The following TAOK3 variants were observed in gnomAD, a reference collection of about 807,000 sequenced individuals.
TAOK3 encodes serine/threonine-protein kinase TAO3.
In TAOK3, 40 loss-of-function variants were observed where a neutral mutation model predicts 120.4. The observed-to-expected ratio is 0.33, with a 90% CI of 0.26 to 0.43. The LOEUF is 0.43. Ranked by LOEUF, TAOK3 falls within the 20% of genes least tolerant of loss-of-function variation. The pLI is 1.00. For synonymous variants in TAOK3, 355 were observed against 387.5 expected (o/e 0.92, Z 0.99); for missense variants, 821 against 1,112.1 (o/e 0.74, Z 3.72).
intron 16 of TAOK3, among the ~76,000 whole-genome samples, chr12:118,175,675 T>C (rs1351335171): frequency 6.6e-6 from 1 of 152,016 alleles, no homozygotes; most frequent in Non-Finnish European, 1.5e-5. Context: ...TGATTTTATA[T>C]ATACTAAAAC....
chr12:118,334,720 C>A (rs981347609), intron 1 of TAOK3, among the ~76,000 whole-genome samples: 2 of 148,136 alleles, frequency 1.4e-5, no homozygotes, highest in Non-Finnish European at 3.0e-5. Flanking sequence ...ACTAAACATA[C>A]AAAAAATTAG....
chr12:118,352,119 A>G (rs982872885), intron 1 of TAOK3, among the ~76,000 whole-genome samples: 11 of 150,422 alleles, frequency 7.3e-5, no homozygotes, highest in African/African-American at 2.4e-4. Context: ...TGGTCCGCCC[A>G]CCTCGGCCTC....
rs1030764364 is a variant in TAOK3 at position 118,189,790 on chromosome 12, G to C, written c.1329+17C>G. ...GAGGGGAAGGAAGGGAAGGTGGGTAGAGGGGTGTTTGCTTACCAAAGATGC... is the reference window on the plus strand; with the variant it reads ...GAGGGGAAGGAAGGGAAGGTGGGTACAGGGGTGTTTGCTTACCAAAGATGC... On this transcript the variant is annotated intron_variant, in intron 14 of 20. Transcript: ENST00000392533. 3.7e-6 allele frequency: 6 copies of C among 1,613,958 alleles called. No homozygotes were observed. In the African/African-American group the frequency reaches 8.0e-5, roughly 22 times the overall value.
In TAOK3 at chr12:118,317,265, CA is replaced by C. The variant is rs970730677; in HGVS notation, c.-193-50507del. On this transcript the variant is annotated intron_variant, in intron 1 of 20. Transcript: ENST00000392533. ...TGGGCAACGAAGTGAAAGTTTGTCT[CA>C]AAAAAAAAAAAAAAAAAAAATCGCT... Among the ~76,000 whole-genome samples the C allele has an allele frequency of 6.7e-3, 426 of 63,630 alleles. 3 individuals carry two copies. The highest frequency in any genetic ancestry group is 0.012 in the African/African-American group (212 of 18,318). 41.7% of individuals were successfully genotyped at this position (63,630 alleles called of 152,430 possible).
chr12:118,293,509 C>G (rs187832585), intron 1 of TAOK3, among the ~76,000 whole-genome samples: 1 of 150,836 alleles, frequency 6.6e-6, no homozygotes, highest in East Asian at 2.0e-4. Flanking sequence ...AACCCAGTTT[C>G]TAAAAAAAAT....
At chr12:118,359,453 G>A (rs986450008) in intron 1 of TAOK3, 3 of 152,122 alleles carry the variant, frequency 2.0e-5, no homozygotes, top group Admixed American at 2.0e-4. Flanking sequence ...CTGCATACTA[G>A]AGTAAGGTTT....
At chr12:118,199,020 T>C (rs1464951616) in intron 13 of TAOK3, 31 bp downstream of exon 13, 1 of 1,612,496 alleles carries the variant, frequency 6.2e-7, no homozygotes, top group Non-Finnish European at 8.5e-7. Context: ...TTGACAAAGC[T>C]CACCTCTGTG....
chr12:118,244,938 C>T lies in TAOK3; in HGVS notation c.148G>A (p.Val50Met), dbSNP rs1396590191. 1 of 1,610,192 alleles carries T rather than the reference C, an allele frequency of 6.2e-7. No individual in the cohort carries two copies. Among genetic ancestry groups the T allele is most frequent in the Non-Finnish European group, 8.5e-7 (1 of 1,176,926 alleles). Residue 50 changes from valine to methionine, a missense_variant, in exon 4 of 21, where the codon GTG becomes ATG. By Grantham distance (21) the Val-to-Met change is conservative. Around this residue, in one of 2 missense-constraint regions of TAOK3, gnomAD observed 467 missense variants for 540.0 expected, o/e 0.86. Coordinates refer to ENST00000392533, the MANE Select transcript of TAOK3 (RefSeq NM_016281.4). The stretch of plus-strand genomic sequence containing the variant: ...CTATAGGACATCTTCTTAATTGCCA[C>T]CACCTCACTGGTGTGAGCATTTGTA... ...FATNAHTSEV[V>M]AIKKMSYSGK...
At chr12:118,179,189 T>C (rs540262719) in intron 15 of TAOK3, among the ~76,000 whole-genome samples, 3 of 152,264 alleles carry the variant, frequency 2.0e-5, no homozygotes, top group Non-Finnish European at 2.9e-5. Context: ...GTTCCTTCCA[T>C]GTGGAGACAG....
chr12:118,181,064 C>T (rs1162890057), intron 15 of TAOK3, among the ~76,000 whole-genome samples: 1 of 151,852 alleles, frequency 6.6e-6, no homozygotes, highest in Admixed American at 6.6e-5. Flanking sequence ...AGGCTGGTCT[C>T]GAACTCCTGA....
intron 1 of TAOK3, among the ~76,000 whole-genome samples, chr12:118,308,798 C>T (rs1389065270): frequency 6.6e-6 from 1 of 151,568 alleles, no homozygotes; most frequent in African/African-American, 2.4e-5. Flanking sequence ...GGCGTGGTGG[C>T]ACATGCCTGT....
intron 1 of TAOK3, among the ~76,000 whole-genome samples, chr12:118,368,658 T>C (rs1441693436): frequency 1.3e-5 from 2 of 149,334 alleles, no homozygotes; most frequent in Non-Finnish European, 3.0e-5. Flanking sequence ...ATACAAACAT[T>C]AGCCGGGTGT....
At chr12:118,368,596 A>T (rs373128835) in intron 1 of TAOK3, among the ~76,000 whole-genome samples, 1 of 149,798 alleles carries the variant, frequency 6.7e-6, no homozygotes, top group South Asian at 2.1e-4. Flanking sequence ...ATTTGAGGTC[A>T]GGAGTTCTAG....
At chr12:118,263,413 T>G (rs2041315415) in intron 2 of TAOK3, among the ~76,000 whole-genome samples, 1 of 152,190 alleles carries the variant, frequency 6.6e-6, no homozygotes. Context: ...GGAGAAAATA[T>G]TTGTGACCCC....
intron 3 of TAOK3, among the ~76,000 whole-genome samples, chr12:118,245,745 G>T (rs1005663526): frequency 1.3e-5 from 2 of 151,940 alleles, no homozygotes; most frequent in African/African-American, 4.8e-5. Context: ...TTCTTTTCTG[G>T]ATACATGTAA....
intron 14 of TAOK3, among the ~76,000 whole-genome samples, chr12:118,189,039 T>C (rs1310980184): frequency 1.3e-5 from 2 of 152,208 alleles, no homozygotes; most frequent in African/African-American, 2.4e-5. Flanking sequence ...TACAAGGGCA[T>C]CCAGCAATCA....
At chr12:118,179,769 C>T (rs1415122304) in intron 15 of TAOK3, among the ~76,000 whole-genome samples, 8 of 151,074 alleles carry the variant, frequency 5.3e-5, no homozygotes, top group Admixed American at 6.6e-5. Flanking sequence ...CTCAGCCTCC[C>T]GAGTAGCTGG....
At chr12:118,340,076 T>G (rs1204718478) in intron 1 of TAOK3, among the ~76,000 whole-genome samples, 1 of 152,210 alleles carries the variant, frequency 6.6e-6, no homozygotes, top group Non-Finnish European at 1.5e-5. Context: ...AGCAAAAAAT[T>G]AGATACAGCT....
intron 1 of TAOK3, among the ~76,000 whole-genome samples, chr12:118,299,948 G>A (rs2042819127): frequency 6.6e-6 from 1 of 152,036 alleles, no homozygotes; most frequent in Admixed American, 6.5e-5. Context: ...TCTTCCACTT[G>A]GGGGCAGTGG....
Sources: gnomAD v4.1 joint callset for allele counts (sites outside exome capture counted in the v4.1 genomes callset) on GRCh38, gnomAD v4.1.1 for gene constraint, gnomAD v4.1.1 regional missense constraint, MANE v1.5 for transcripts, NCBI Gene and HGNC (gene_info 2026-07-23, HGNC 2026-07-21) for gene names.